Variants in FBXW8 observed in about 807,000 individuals in gnomAD.
FBXW8 encodes F-box and WD repeat domain containing 8, also known as F-box/WD repeat-containing protein 8.
In FBXW8, 57 loss-of-function variants were observed where a neutral mutation model predicts 65.3. The ratio of observed to expected loss-of-function variants is 0.87; its 90% CI spans 0.71 to 1.09. The LOEUF (loss-of-function observed/expected upper bound fraction) is 1.09, where lower values mean the gene tolerates loss of function less well. FBXW8 is among the 50% of genes least tolerant of loss of function. The pLI is 0.00. For missense variants in FBXW8, 777 were observed against 814.8 expected (o/e 0.95, Z 0.57); for synonymous variants, 308 against 330.2 (o/e 0.93, Z 0.73).
At chr12:117,014,768 C>T (rs1479770010) in intron 8 of FBXW8, among the ~76,000 whole-genome samples, 1 of 152,152 alleles carries the variant, frequency 6.6e-6, no homozygotes, top group African/African-American at 2.4e-5. Flanking sequence ...TAGTTGAGCT[C>T]TTAAAGCCGT....
intron 1 of FBXW8, among the ~76,000 whole-genome samples, chr12:116,920,083 C>A (rs1880764647): frequency 6.6e-6 from 1 of 152,166 alleles, no homozygotes; most frequent in African/African-American, 2.4e-5. Context: ...CTTTGCCTGC[C>A]TTTTAAAGCT....
chr12:116,954,277 G>A (rs964668395), intron 4 of FBXW8, among the ~76,000 whole-genome samples: 2 of 152,138 alleles, frequency 1.3e-5, no homozygotes, highest in African/African-American at 4.8e-5. Context: ...GTTTTTCTAT[G>A]CATGTTTTTT....
chr12:116,911,449 A>C, intron 1 of FBXW8, 94 bp downstream of exon 1: 1 of 890,438 alleles, frequency 1.1e-6, no homozygotes, highest in Non-Finnish European at 1.5e-6. Flanking sequence ...ACTGTGTGCC[A>C]CTAGTTGCCC....
At chr12:117,017,856 T>C (rs1368737041) in intron 8 of FBXW8, among the ~76,000 whole-genome samples, 1 of 152,112 alleles carries the variant, frequency 6.6e-6, no homozygotes, top group Non-Finnish European at 1.5e-5. Flanking sequence ...TCCAAGCCAA[T>C]AGGAAGCACG....
chr12:117,010,241 C>T (rs575834368), intron 7 of FBXW8, 82 bp from the exon 8 acceptor site: 5 of 1,595,094 alleles, frequency 3.1e-6, no homozygotes, highest in Middle Eastern at 3.3e-4. Context: ...GGATCATGCC[C>T]TCCACGATGG....
In FBXW8 at chr12:116,988,743, C is replaced by G. The variant is rs953521136; in HGVS notation, c.1113C>G (p.Leu371=). The part of the protein sequence containing the change: ...VAAAGDLMYL[L]KAEDSARTLL... ...CTGCTGGAGATCTGATGTACCTGCT[C>G]AAAGCCGAAGACTCCGCCAGAACCC... Residue 371 remains leucine, a synonymous_variant, in exon 7 of 11, where the codon CTC becomes CTG. Coordinates refer to ENST00000652555, the MANE Select transcript of FBXW8 (RefSeq NM_153348.3). The G allele has an allele frequency of 3.1e-6, 5 of 1,614,154 alleles. No individual in the cohort carries two copies. The highest frequency in any genetic ancestry group is 1.6e-4 in the Middle Eastern group (1 of 6,062).
chr12:116,944,102 A>G (rs1882777074), intron 2 of FBXW8, among the ~76,000 whole-genome samples: 1 of 152,188 alleles, frequency 6.6e-6, no homozygotes, highest in Non-Finnish European at 1.5e-5. Flanking sequence ...TTTTAAGGCA[A>G]TCCTGGAGCT....
At chr12:117,022,752 C>T (rs940687264) in intron 8 of FBXW8, among the ~76,000 whole-genome samples, 3 of 152,206 alleles carry the variant, frequency 2.0e-5, no homozygotes, top group Non-Finnish European at 2.9e-5. Flanking sequence ...ACTGCCCCTT[C>T]GTTGTTTTAA....
chr12:116,967,441 G>A (rs1353690881), intron 5 of FBXW8, among the ~76,000 whole-genome samples: 5 of 152,214 alleles, frequency 3.3e-5, no homozygotes, highest in Non-Finnish European at 5.9e-5. Flanking sequence ...GGCTATGGCT[G>A]CAGGCTTTGG....
chr12:116,952,434 C>T (rs1276274385), intron 4 of FBXW8, among the ~76,000 whole-genome samples: 1 of 152,184 alleles, frequency 6.6e-6, no homozygotes, highest in Non-Finnish European at 1.5e-5. Context: ...GCAACCAACA[C>T]CACTATCTAA....
At chr12:117,001,805 A>G (rs747934295) in intron 7 of FBXW8, among the ~76,000 whole-genome samples, 1 of 152,176 alleles carries the variant, frequency 6.6e-6, no homozygotes, top group Non-Finnish European at 1.5e-5. Flanking sequence ...CTGCTCTGAC[A>G]TGAATATTCC....
chr12:116,930,853 G>C (rs1049152147), intron 2 of FBXW8, among the ~76,000 whole-genome samples: 35 of 152,222 alleles, frequency 2.3e-4, no homozygotes, highest in African/African-American at 8.2e-4. Context: ...TGTTGCCCAG[G>C]CTGGCATGCA....
At chr12:116,928,671 A>T (rs190750548) in intron 2 of FBXW8, among the ~76,000 whole-genome samples, 12 of 152,298 alleles carry the variant, frequency 7.9e-5, no homozygotes, top group Non-Finnish European at 1.3e-4. Context: ...CCCGTCTCAC[A>T]CTTACTCTGG....
chr12:116,964,895 A>C (rs1884219234), intron 5 of FBXW8, 41 bp downstream of exon 5: 2 of 1,534,682 alleles, frequency 1.3e-6, no homozygotes, highest in Non-Finnish European at 1.7e-6. Context: ...GGAAAAAAAA[A>C]AGCTTTACAA....
At chr12:116,983,872 C>A (rs954481300) in intron 5 of FBXW8, among the ~76,000 whole-genome samples, 1 of 152,196 alleles carries the variant, frequency 6.6e-6, no homozygotes, top group Non-Finnish European at 1.5e-5. Context: ...GCCTCACAGT[C>A]CTATGTAGTA....
intron 1 of FBXW8, among the ~76,000 whole-genome samples, chr12:116,918,989 G>A (rs753475496): frequency 3.6e-4 from 55 of 152,032 alleles, no homozygotes; most frequent in Middle Eastern, 6.8e-3. Context: ...TATACACAGA[G>A]CAATGATAAA....
At chr12:117,003,696 T>C (rs1448261261) in intron 7 of FBXW8, among the ~76,000 whole-genome samples, 3 of 152,220 alleles carry the variant, frequency 2.0e-5, no homozygotes, top group Non-Finnish European at 2.9e-5. Context: ...CCTTGAAAGG[T>C]AGTTTTGCTA....
intron 1 of FBXW8, among the ~76,000 whole-genome samples, chr12:116,912,520 C>T (rs1880059515): frequency 7.0e-6 from 1 of 143,306 alleles, no homozygotes; most frequent in African/African-American, 2.7e-5. Context: ...GTTGCAGTGG[C>T]GCGATCTCGG....
intron 2 of FBXW8, among the ~76,000 whole-genome samples, chr12:116,941,330 C>G (rs2137336035): frequency 6.6e-6 from 1 of 152,340 alleles, no homozygotes; most frequent in South Asian, 2.1e-4. Flanking sequence ...GTGACACTCT[C>G]AGCATTAGAG....
Sources: gnomAD v4.1 joint callset for allele counts (sites outside exome capture counted in the v4.1 genomes callset) on GRCh38, gnomAD v4.1.1 for gene constraint, MANE v1.5 for transcripts, NCBI Gene and HGNC (gene_info 2026-07-23, HGNC 2026-07-21) for gene names.